Variants in TEKT5 observed in about 807,000 individuals in gnomAD.
The protein encoded by TEKT5 is tektin-5.
Under a neutral mutation model 48.7 loss-of-function variants are expected in TEKT5, and 52 were observed. The observed-to-expected ratio is 1.07, with a 90% CI of 0.86 to 1.35. The LOEUF is 1.35. TEKT5 is among the 40% of genes most tolerant of loss of function. TEKT5 has a pLI of 0.00. For missense variants in TEKT5, 831 were observed against 641.6 expected, an observed-to-expected ratio of 1.30 and a Z score of -3.19; for synonymous variants, 318 against 267.6, an observed-to-expected ratio of 1.19 and a Z score of -1.84.
chr16:10,675,514 C>G (rs902154982), intron 5 of TEKT5, among the ~76,000 whole-genome samples: 1 of 152,200 alleles, frequency 6.6e-6, no homozygotes, highest in African/African-American at 2.4e-5. Context: ...CCCCACCCCT[C>G]AGCAGGGAAC....
chr16:10,648,612 A>G (rs1397191556), intron 5 of TEKT5, among the ~76,000 whole-genome samples: 2 of 152,188 alleles, frequency 1.3e-5, no homozygotes, highest in African/African-American at 4.8e-5. Flanking sequence ...GATTACAGGC[A>G]TGAGCCACCA....
intron 5 of TEKT5, among the ~76,000 whole-genome samples, chr16:10,674,875 T>G (rs979378989): frequency 2.6e-5 from 4 of 151,076 alleles, no homozygotes; most frequent in African/African-American, 7.3e-5. Flanking sequence ...CAGGTTGGAG[T>G]GCAGTGGTGT....
chr16:10,676,151 G>C lies in TEKT5; in HGVS notation c.894C>G (p.Phe298Leu). ...TISVPETWAK[F>L]SNDNIKHSQN... ...GAGAGTGTTTGATGTTGTCGTTACT[G>C]AACTTGGCCCAGGTCTCAGGTACGG... The change falls in exon 5 of 7, where the codon TTC becomes TTG. Residue 298 changes from phenylalanine (F) to leucine (L), a missense_variant. Physicochemically the swap from Phe to Leu is conservative, Grantham distance 22 (BLOSUM62 0). Transcript: ENST00000283025. 6.2e-7 allele frequency: 1 copy of C among 1,614,212 alleles called. No homozygotes were observed. Among genetic ancestry groups the C allele is most frequent in the South Asian group, 1.1e-5 (1 of 91,078 alleles).
At chr16:10,672,156 C>T (rs1898559117) in intron 5 of TEKT5, among the ~76,000 whole-genome samples, 1 of 151,946 alleles carries the variant, frequency 6.6e-6, no homozygotes, top group South Asian at 2.1e-4. Context: ...GGTTAAAATG[C>T]TAAGTTTTAT....
chr16:10,682,301 C>A (rs893802413), intron 3 of TEKT5, among the ~76,000 whole-genome samples, 165 bp from the exon 4 acceptor site: 89 of 151,992 alleles, frequency 5.9e-4, no homozygotes, highest in African/African-American at 2.1e-3. Flanking sequence ...CAGAGGCTCC[C>A]CCCAATCCAA....
At chr16:10,673,477 A>G (rs921936234) in intron 5 of TEKT5, among the ~76,000 whole-genome samples, 2 of 152,094 alleles carry the variant, frequency 1.3e-5, no homozygotes, top group Non-Finnish European at 2.9e-5. Context: ...AAAATAGTTC[A>G]TGAAAGATAA....
intron 5 of TEKT5, among the ~76,000 whole-genome samples, chr16:10,671,245 G>A (rs1325849109): frequency 6.6e-6 from 1 of 152,160 alleles, no homozygotes; most frequent in Non-Finnish European, 1.5e-5. Context: ...GGTACCAATA[G>A]CCAACTAAAA....
At chr16:10,651,030 A>C (rs1898148225) in intron 5 of TEKT5, among the ~76,000 whole-genome samples, 1 of 152,234 alleles carries the variant, frequency 6.6e-6, no homozygotes, top group Non-Finnish European at 1.5e-5. Context: ...TGGGCTGGCC[A>C]GGGGCAGGGG....
At chr16:10,689,889 G>C in intron 2 of TEKT5, 53 bp downstream of exon 2, 1 of 1,577,286 alleles carries the variant, frequency 6.3e-7, no homozygotes, top group Non-Finnish European at 8.7e-7. Context: ...TCTCTGACCT[G>C]CTGGCCTTCC....
At chr16:10,673,505 C>T (rs932080933) in intron 5 of TEKT5, among the ~76,000 whole-genome samples, 9 of 152,050 alleles carry the variant, frequency 5.9e-5, no homozygotes, top group African/African-American at 1.7e-4. Context: ...GTGCACAGGC[C>T]AACTCGATGC....
intron 5 of TEKT5, among the ~76,000 whole-genome samples, chr16:10,663,012 G>T (rs753936891): frequency 6.6e-6 from 1 of 152,140 alleles, no homozygotes; most frequent in Admixed American, 6.5e-5. Context: ...CTGCAGAGGA[G>T]AAGCCGGAAG....
chr16:10,645,680 G>A (rs1898059285), intron 5 of TEKT5, among the ~76,000 whole-genome samples: 1 of 152,138 alleles, frequency 6.6e-6, no homozygotes, highest in South Asian at 2.1e-4. Context: ...GCAAGCACCT[G>A]TAATTCCAGC....
intron 4 of TEKT5, among the ~76,000 whole-genome samples, chr16:10,679,811 C>A (rs978743859): frequency 6.6e-6 from 1 of 152,148 alleles, no homozygotes; most frequent in Non-Finnish European, 1.5e-5. Context: ...GCAGGAGCAT[C>A]GCTTGAACCC....
rs2142308425 is a variant in TEKT5, at chr16:10,682,034, G to C, written c.822C>G (p.Asp274Glu). 1 of 1,614,190 alleles carries C rather than the reference G, an allele frequency of 6.2e-7. No homozygotes were observed. Among genetic ancestry groups the C allele is most frequent in the African/African-American group, 1.3e-5 (1 of 75,044 alleles). The change falls in exon 4 of 7, where the codon GAC (aspartate) becomes GAG (glutamate). Residue 274 changes from aspartate to glutamate, a missense_variant. Coordinates refer to ENST00000283025, the MANE Select transcript of TEKT5 (RefSeq NM_144674.2). ...CCATGCCGTGGAAGAAGCTGATGCA[G>C]TCTGACGTATTTCTCAGGTTAAAGC... Reference protein sequence around the residue: ...EKCFNLRNTSDCISFFHGMEK... With the variant: ...EKCFNLRNTSECISFFHGMEK...
chr16:10,659,565 G>A (rs1898325412), intron 5 of TEKT5, among the ~76,000 whole-genome samples: 1 of 152,110 alleles, frequency 6.6e-6, no homozygotes, highest in Non-Finnish European at 1.5e-5. Flanking sequence ...ATTTTTAGTA[G>A]AGATGGGGTT....
Position 10,693,510 on chromosome 16 carries a change from G to A in TEKT5, c.564+800C>T, listed in dbSNP as rs142830137. On this transcript the variant is annotated intron_variant, in intron 1 of 6. Coordinates refer to ENST00000283025, the MANE Select transcript of TEKT5 (RefSeq NM_144674.2). The stretch of plus-strand genomic sequence containing the variant: ...ACATTAGTGTAAACAATACCAGTCA[G>A]CACCGACATTGGTCACTACGGACCC... Among the ~76,000 whole-genome samples the A allele has an allele frequency of 3.5e-4, 53 of 152,356 alleles. 3 individuals are homozygous for A. Among genetic ancestry groups the A allele is most frequent in the Non-Finnish European group, 1.8e-4 (12 of 68,030 alleles).
intron 5 of TEKT5, among the ~76,000 whole-genome samples, chr16:10,664,174 CCT>C (rs1415856753): frequency 3.9e-5 from 6 of 152,162 alleles, no homozygotes; most frequent in Non-Finnish European, 7.4e-5. Flanking sequence ...ATGTAAGCCC[CCT>C]GAGGGCAGAG....
chr16:10,675,459 C>T lies in TEKT5; in HGVS notation c.1086+500G>A, dbSNP rs146103844. On this transcript the variant is annotated intron_variant, in intron 5 of 6. Transcript: ENST00000283025. ...CACTGGTGTAGGCATAGCACGCAGA[C>T]GACAGAATCGGGCAGTGCTGCAGAC... 1.1e-3 allele frequency among the ~76,000 whole-genome samples: 175 copies of T among 152,244 alleles called. 1 individual carries two copies. The highest frequency in any genetic ancestry group is 4.0e-3 in the African/African-American group (168 of 41,544).
chr16:10,686,210 C>A (rs1478502637), intron 3 of TEKT5, among the ~76,000 whole-genome samples: 7 of 152,132 alleles, frequency 4.6e-5, no homozygotes, highest in Non-Finnish European at 8.8e-5. Flanking sequence ...GCTTCTTCAA[C>A]AAATGGTATT....
Sources: gnomAD v4.1 joint callset for allele counts (sites outside exome capture counted in the v4.1 genomes callset) on GRCh38, gnomAD v4.1.1 for gene constraint, MANE v1.5 for transcripts, NCBI Gene and HGNC (gene_info 2026-07-23, HGNC 2026-07-21) for gene names.